Variants in MAGI2 observed in about 807,000 individuals in gnomAD.
MAGI2 encodes the protein membrane associated guanylate kinase, WW and PDZ domain containing 2, also known as membrane-associated guanylate kinase, WW and PDZ domain-containing protein 2.
MAGI2 carries 35 observed loss-of-function variants against 133.3 expected under a neutral mutation model. The ratio of observed to expected loss-of-function variants is 0.26; its 90% CI spans 0.20 to 0.35. MAGI2 has a LOEUF of 0.35. MAGI2 is among the 10% of genes least tolerant of loss of function. The pLI, the probability that MAGI2 is intolerant of heterozygous loss-of-function variation, is 1.00. For missense variants in MAGI2, 1,636 were observed against 1,863.4 expected (o/e 0.88, Z 2.25); for synonymous variants, 729 against 710.6 (o/e 1.03, Z -0.41).
At chr7:78,136,271 G>A (rs943147095) in intron 16 of MAGI2, among the ~76,000 whole-genome samples, 3 of 151,894 alleles carry the variant, frequency 2.0e-5, no homozygotes, top group Non-Finnish European at 4.4e-5. Flanking sequence ...AGGCGCCCGC[G>A]ACCACGCCTG....
At chr7:79,225,963 G>T (rs2129553784) in intron 1 of MAGI2, among the ~76,000 whole-genome samples, 1 of 152,260 alleles carries the variant, frequency 6.6e-6, no homozygotes, top group East Asian at 1.9e-4. Context: ...GCTGCCCTTT[G>T]TATAGAATGT....
At chr7:78,295,719 C>T (rs1301304567) in intron 9 of MAGI2, among the ~76,000 whole-genome samples, 1 of 152,126 alleles carries the variant, frequency 6.6e-6, no homozygotes, top group East Asian at 1.9e-4. Flanking sequence ...ATTTCAATGT[C>T]ATCTATTATG....
intron 2 of MAGI2, among the ~76,000 whole-genome samples, chr7:78,652,122 T>C (rs1293244134): frequency 5.9e-5 from 9 of 152,140 alleles, no homozygotes. Flanking sequence ...GGGAGATATT[T>C]ACCCTCAAAC....
chr7:78,065,954 T>C (rs958668220), intron 21 of MAGI2, among the ~76,000 whole-genome samples: 4 of 152,236 alleles, frequency 2.6e-5, no homozygotes, highest in African/African-American at 9.6e-5. Context: ...TAATAAAATT[T>C]GAAATGGTAA....
chr7:78,421,937 C>T (rs1186429285), intron 6 of MAGI2, among the ~76,000 whole-genome samples: 1 of 152,078 alleles, frequency 6.6e-6, no homozygotes, highest in Non-Finnish European at 1.5e-5. Flanking sequence ...TTTATATATC[C>T]TCCTAATTTC....
chr7:78,694,018 A>C (rs75117571), intron 2 of MAGI2, among the ~76,000 whole-genome samples: 7,841 of 152,214 alleles, frequency 0.052, 284 homozygotes, highest in Non-Finnish European at 0.077. Context: ...AGCTTTGGAA[A>C]CAGACAGATT....
chr7:78,260,623 T>C (rs1255499570), intron 9 of MAGI2, among the ~76,000 whole-genome samples: 4 of 152,186 alleles, frequency 2.6e-5, no homozygotes, highest in African/African-American at 9.6e-5. Flanking sequence ...CATTACTACA[T>C]TGCTGGAAAA....
At chr7:78,630,103 TC>T (rs1467239039) in intron 2 of MAGI2, among the ~76,000 whole-genome samples, 7 of 152,094 alleles carry the variant, frequency 4.6e-5, no homozygotes, top group Non-Finnish European at 1.0e-4. Flanking sequence ...GGAAGCCCTT[TC>T]TTTTTATCCA....
At chr7:78,330,548 G>A (rs1789065900) in intron 9 of MAGI2, among the ~76,000 whole-genome samples, 1 of 38,780 alleles carries the variant, frequency 2.6e-5, no homozygotes, top group African/African-American at 1.3e-4. Context: ...ACCCCAGGGG[G>A]CGGAGCCTGC....
intron 2 of MAGI2, among the ~76,000 whole-genome samples, chr7:78,955,732 T>TCTTTCTTC (rs1476129528): frequency 0.028 from 929 of 33,700 alleles, 28 homozygotes; most frequent in African/African-American, 0.077. Context: ...TCTCTTTCTT[T>TCTTTCTTC]CTTTCTTTCT....
At chr7:79,123,646 C>T (rs1369039448) in intron 1 of MAGI2, among the ~76,000 whole-genome samples, 3 of 151,648 alleles carry the variant, frequency 2.0e-5, no homozygotes, top group Non-Finnish European at 4.4e-5. Flanking sequence ...ATTAGCCAGG[C>T]GTGGTGGGGT....
At chr7:78,705,899 T>C (rs323161) in intron 2 of MAGI2, among the ~76,000 whole-genome samples, 103,177 of 151,940 alleles carry the variant, frequency 0.68, 35,180 homozygotes, top group East Asian at 0.84. Context: ...TTTCCTGCTT[T>C]CATTGTCTTT....
At chr7:79,256,756 G>T (rs2129556085) in intron 1 of MAGI2, among the ~76,000 whole-genome samples, 1 of 152,088 alleles carries the variant, frequency 6.6e-6, no homozygotes, top group Non-Finnish European at 1.5e-5. Flanking sequence ...TTCCCAAAGT[G>T]TTGGGATTAC....
At chr7:79,181,244 G>T (rs1298692322) in intron 1 of MAGI2, among the ~76,000 whole-genome samples, 1 of 151,998 alleles carries the variant, frequency 6.6e-6, no homozygotes. Flanking sequence ...CTAGAAGAGG[G>T]TCTCCATGAG....
intron 1 of MAGI2, among the ~76,000 whole-genome samples, chr7:79,026,198 T>C (rs944335355): frequency 2.6e-5 from 4 of 152,166 alleles, no homozygotes; most frequent in Admixed American, 2.6e-4. Flanking sequence ...ATATTCTCTA[T>C]TGCCCAATTA....
intron 4 of MAGI2, among the ~76,000 whole-genome samples, chr7:78,520,678 T>C (rs993612901): frequency 3.3e-5 from 5 of 152,304 alleles, no homozygotes; most frequent in African/African-American, 1.2e-4. Context: ...TGAATAATTT[T>C]ATTTTAAAAA....
chr7:78,932,746 A>T (rs534289032), intron 2 of MAGI2, among the ~76,000 whole-genome samples: 5 of 152,284 alleles, frequency 3.3e-5, no homozygotes, highest in African/African-American at 1.2e-4. Context: ...GTCATAAAGC[A>T]TCTGCTGATC....
intron 21 of MAGI2, among the ~76,000 whole-genome samples, chr7:78,031,227 A>T (rs550525080): frequency 6.6e-6 from 1 of 152,192 alleles, no homozygotes; most frequent in Non-Finnish European, 1.5e-5. Flanking sequence ...CTTGACTACA[A>T]TGGGGGATAA....
At chr7:78,048,602 G>A (rs1395029716) in intron 21 of MAGI2, among the ~76,000 whole-genome samples, 3 of 152,068 alleles carry the variant, frequency 2.0e-5, no homozygotes, top group African/African-American at 7.2e-5. Flanking sequence ...TTTTCCTCCA[G>A]TTTTTTTCTT....
Sources: gnomAD v4.1 joint callset for allele counts (sites outside exome capture counted in the v4.1 genomes callset) on GRCh38, gnomAD v4.1.1 for gene constraint, MANE v1.5 for transcripts, NCBI Gene and HGNC (gene_info 2026-07-23, HGNC 2026-07-21) for gene names.